CSMD1: variants seen among roughly 807,000 people sequenced by gnomAD.
CSMD1 encodes CUB and sushi domain-containing protein 1.
CSMD1 carries 213 observed loss-of-function variants against 417.5 expected under a neutral mutation model. The observed-to-expected ratio is 0.51, with a 90% CI of 0.46 to 0.57. The LOEUF is 0.57. Among genes scored for constraint, CSMD1 ranks in the 20% least tolerant of loss-of-function variants. The probability of loss-of-function intolerance (pLI) is 0.00; values close to 1 mark genes in which losing one functional copy is unlikely to be tolerated. For synonymous variants in CSMD1, 2,862 were observed against 1,736.8 expected (o/e 1.65, Z -16.11); for missense variants, 6,923 against 4,529.7 (o/e 1.53, Z -15.17).
intron 51 of CSMD1, among the ~76,000 whole-genome samples, chr8:3,020,732 T>G (rs890312904): frequency 6.6e-6 from 1 of 152,118 alleles, no homozygotes; most frequent in African/African-American, 2.4e-5. Flanking sequence ...ACACCCAGAC[T>G]GAGTTTTCTG....
At chr8:4,819,446 T>C (rs767323639) in intron 1 of CSMD1, among the ~76,000 whole-genome samples, 7 of 132,366 alleles carry the variant, frequency 5.3e-5, no homozygotes, top group Non-Finnish European at 9.2e-5. Context: ...AACTGACTTA[T>C]AGAAATATTA....
intron 1 of CSMD1, among the ~76,000 whole-genome samples, chr8:4,799,336 C>T (rs1798152968): frequency 6.6e-6 from 1 of 152,040 alleles, no homozygotes. Context: ...AAAGACATGA[C>T]TGGTAATACA....
At chr8:3,682,344 A>G (rs1799709219) in intron 7 of CSMD1, among the ~76,000 whole-genome samples, 1 of 152,210 alleles carries the variant, frequency 6.6e-6, no homozygotes, top group South Asian at 2.1e-4. Context: ...CAAATTTACA[A>G]GAAAAAAACA....
At chr8:3,903,036 A>T (rs2129134681) in intron 5 of CSMD1, among the ~76,000 whole-genome samples, 1 of 152,230 alleles carries the variant, frequency 6.6e-6, no homozygotes, top group African/African-American at 2.4e-5. Flanking sequence ...TTATTAAAGT[A>T]GCGTGTAGCT....
intron 7 of CSMD1, among the ~76,000 whole-genome samples, chr8:3,644,340 C>T (rs373152866): frequency 9.9e-5 from 15 of 152,282 alleles, no homozygotes; most frequent in East Asian, 3.9e-4. Context: ...GGCAAATGGC[C>T]TTGTGTCATG....
chr8:4,211,623 A>G (rs1034584196), intron 3 of CSMD1, among the ~76,000 whole-genome samples: 1 of 152,352 alleles, frequency 6.6e-6, no homozygotes, highest in Middle Eastern at 3.4e-3. Flanking sequence ...CCATAAGAAC[A>G]GTAAATATCC....
At chr8:4,235,487 T>A (rs989160340) in intron 3 of CSMD1, among the ~76,000 whole-genome samples, 1 of 152,156 alleles carries the variant, frequency 6.6e-6, no homozygotes, top group African/African-American at 2.4e-5. Flanking sequence ...CTAATTCACA[T>A]GCTTTTTAGA....
At chr8:4,811,047 C>G (rs535866497) in intron 1 of CSMD1, among the ~76,000 whole-genome samples, 3 of 152,100 alleles carry the variant, frequency 2.0e-5, no homozygotes, top group South Asian at 2.1e-4. Flanking sequence ...CACACTTAAA[C>G]GATTAATCAG....
rs146313201 is a variant in CSMD1 at position 4,395,403 on chromosome 8, A to T, written c.415+24550T>A. ...TCTGGTCCAGCTAGCCAGGCTCCAG[A>T]AGCGCTAAAGAATCATAAAAAAAAC... is the stretch of plus-strand genomic sequence containing the variant. On this transcript the variant is annotated intron_variant, in intron 3 of 69. Coordinates refer to ENST00000635120, the MANE Select transcript of CSMD1 (RefSeq NM_033225.6). Among the ~76,000 whole-genome samples the T allele has an allele frequency of 1.0e-3, 159 of 152,014 alleles. No homozygotes were observed. The East Asian group carries it at 0.014, about 13-fold the overall frequency.
chr8:2,957,982 C>A (rs1803141101), intron 62 of CSMD1, among the ~76,000 whole-genome samples, 175 bp from the exon 63 acceptor site: 1 of 152,186 alleles, frequency 6.6e-6, no homozygotes, highest in Non-Finnish European at 1.5e-5. Context: ...GTGTTACACA[C>A]AATGTAGATT....
chr8:3,473,076 T>G (rs549205753), intron 11 of CSMD1, among the ~76,000 whole-genome samples: 1 of 152,296 alleles, frequency 6.6e-6, no homozygotes, highest in South Asian at 2.1e-4. Context: ...ACTAAAAACG[T>G]AATTGTCATG....
At chr8:4,330,900 T>C (rs1799833207) in intron 3 of CSMD1, among the ~76,000 whole-genome samples, 1 of 152,154 alleles carries the variant, frequency 6.6e-6, no homozygotes, top group Non-Finnish European at 1.5e-5. Flanking sequence ...AGCTTCATTA[T>C]GTATGCCCAG....
intron 3 of CSMD1, among the ~76,000 whole-genome samples, chr8:4,292,545 C>A (rs1797432029): frequency 6.6e-6 from 1 of 152,146 alleles, no homozygotes; most frequent in African/African-American, 2.4e-5. Context: ...GCGTGAGCCA[C>A]CGTGCCCGCC....
intron 3 of CSMD1, among the ~76,000 whole-genome samples, chr8:4,241,084 A>G (rs1022168526): frequency 2.0e-5 from 3 of 152,118 alleles, no homozygotes; most frequent in Non-Finnish European, 4.4e-5. Flanking sequence ...TGAATTACTT[A>G]TCCTCTACAT....
intron 5 of CSMD1, among the ~76,000 whole-genome samples, chr8:3,785,683 T>G (rs1799419603): frequency 6.6e-6 from 1 of 152,164 alleles, no homozygotes; most frequent in Admixed American, 6.5e-5. Flanking sequence ...GAGTGTGGGC[T>G]GTGTGCATGG....
intron 2 of CSMD1, among the ~76,000 whole-genome samples, chr8:4,441,201 C>G (rs1258159112): frequency 1.5e-5 from 2 of 134,566 alleles, no homozygotes; most frequent in African/African-American, 5.5e-5. Flanking sequence ...TGGGATCAAG[C>G]AATCCTCGCA....
At chr8:4,114,249 T>C (rs1802013867) in intron 3 of CSMD1, among the ~76,000 whole-genome samples, 1 of 152,220 alleles carries the variant, frequency 6.6e-6, no homozygotes, top group Non-Finnish European at 1.5e-5. Flanking sequence ...TTGAAAATCC[T>C]AGGGCTCTTA....
chr8:4,956,128 G>C (rs753340618), intron 1 of CSMD1, among the ~76,000 whole-genome samples: 1 of 151,996 alleles, frequency 6.6e-6, no homozygotes, highest in East Asian at 1.9e-4. Context: ...TTACTTTCTC[G>C]CTCATAATGG....
At chr8:3,862,745 T>C (rs1307096069) in intron 5 of CSMD1, among the ~76,000 whole-genome samples, 1 of 152,276 alleles carries the variant, frequency 6.6e-6, no homozygotes, top group South Asian at 2.1e-4. Context: ...GAGAAATGAT[T>C]ATGTTTGTTT....
Sources: allele counts gnomAD v4.1 joint callset (sites outside exome capture counted in the v4.1 genomes callset), GRCh38; gene constraint gnomAD v4.1.1; transcripts MANE v1.5; gene names NCBI Gene and HGNC (gene_info 2026-07-23, HGNC 2026-07-21).